Variants in ABCA1 observed in about 807,000 individuals in gnomAD.
ABCA1 encodes phospholipid-transporting ATPase ABCA1.
Under a neutral mutation model 262.5 loss-of-function variants are expected in ABCA1, and 133 were observed. The observed-to-expected ratio is 0.51, with a 90% CI of 0.44 to 0.59. ABCA1 has a LOEUF of 0.59. ABCA1 is among the 20% of genes least tolerant of loss of function. The pLI, the probability that ABCA1 is intolerant of heterozygous loss-of-function variation, is 0.00. For missense variants in ABCA1, 2,452 were observed against 2,777.5 expected (o/e 0.88, Z 2.63); for synonymous variants, 1,022 against 1,043.5 (o/e 0.98, Z 0.40).
At chr9:104,843,357 G>T (rs78294949) in intron 8 of ABCA1, among the ~76,000 whole-genome samples, 3,092 of 152,284 alleles carry the variant, frequency 0.02, 100 homozygotes, top group African/African-American at 0.07. Flanking sequence ...GTGAAACTCA[G>T]GTCAGCTTTC....
chr9:104,910,768 G>A (rs1841448753), intron 1 of ABCA1, among the ~76,000 whole-genome samples: 1 of 152,050 alleles, frequency 6.6e-6, no homozygotes, highest in Admixed American at 6.5e-5. Context: ...GCAGTGGTGT[G>A]ATCTCAGCTC....
chr9:104,799,172 G>A (rs1332441338), intron 36 of ABCA1, among the ~76,000 whole-genome samples: 2 of 152,104 alleles, frequency 1.3e-5, no homozygotes, highest in Non-Finnish European at 2.9e-5. Context: ...TTAGTATCCT[G>A]TAGGAGTAAA....
At chr9:104,859,488 G>T (rs1836154773) in intron 6 of ABCA1, among the ~76,000 whole-genome samples, 1 of 150,452 alleles carries the variant, frequency 6.6e-6, no homozygotes, top group Admixed American at 6.6e-5. Context: ...AATGAACAAT[G>T]CAGACTCTTT....
chr9:104,819,930 A>T lies in ABCA1; in HGVS notation c.3100T>A (p.Ser1034Thr), dbSNP rs1341126671. The T allele has an allele frequency of 2.5e-6, 4 of 1,613,088 alleles. No homozygotes were observed. The highest frequency in any genetic ancestry group is 3.4e-6 in the Non-Finnish European group (4 of 1,179,976). Residue 1034 changes from serine to threonine, a missense_variant, in exon 21 of 50, where the codon TCA becomes ACA. Physicochemically the swap from Ser to Thr is moderately conservative, Grantham distance 58. Transcript: ENST00000374736. Reference sequence around the variant, plus strand: ...GGAAGGTAGCTCTGGGCCGCACCTGACAGCTGGCTTGTTTTGCTTTTCAGC... The same window carrying T: ...GGAAGGTAGCTCTGGGCCGCACCTGTCAGCTGGCTTGTTTTGCTTTTCAGC... ...SKLKSKTSQL[S>T]GGMQRKLSVA...
At chr9:104,788,610 G>T (rs752750465) in intron 44 of ABCA1, 43 bp from the exon 45 acceptor site, 11 of 1,609,860 alleles carry the variant, frequency 6.8e-6, no homozygotes, top group South Asian at 5.5e-5. Flanking sequence ...AGCAGGTAGA[G>T]ATACTCTGGT....
rs1194092391 is a variant in ABCA1 at position 104,792,915 on chromosome 9, A to T, written c.5637-9T>A. 6.2e-7 allele frequency: 1 copy of T among 1,613,658 alleles called. No individual in the cohort carries two copies. Among genetic ancestry groups the T allele is most frequent in the African/African-American group, 1.3e-5 (1 of 74,874 alleles). Reference sequence around the variant, plus strand: ...GCTTTGCATTTACAGGTCTTGGGGGAAAAAACAAGAAAAATGAACCTTTCA... The same window carrying T: ...GCTTTGCATTTACAGGTCTTGGGGGTAAAAACAAGAAAAATGAACCTTTCA... On this transcript the variant is annotated splice_polypyrimidine_tract_variant and intron_variant, in intron 41 of 49. Coordinates refer to ENST00000374736, the MANE Select transcript of ABCA1 (RefSeq NM_005502.4).
Position 104,790,902 on chromosome 9 carries a change from C to T in ABCA1, c.5927+20G>A. The T allele has an allele frequency of 6.6e-7, 1 of 1,515,084 alleles. No homozygotes were observed. Among genetic ancestry groups the T allele is most frequent in the African/African-American group, 1.4e-5 (1 of 72,932 alleles). 93.9% of individuals were successfully genotyped at this position (1,515,084 alleles called of 1,614,324 possible). On this transcript the variant is annotated intron_variant, in intron 44 of 49. Coordinates refer to ENST00000374736, the MANE Select transcript of ABCA1 (RefSeq NM_005502.4). The stretch of plus-strand genomic sequence containing the variant: ...AAAACAAAGTCTTTGCAGCAAAATA[C>T]AAGCCACTTCTTTTCTCACCTATTT...
chr9:104,861,696 C>T lies in ABCA1; in HGVS notation c.526G>A (p.Asp176Asn), dbSNP rs775698076. Residue 176 changes from aspartate (D) to asparagine (N), a missense_variant, in exon 6 of 50, where the codon GAT becomes AAT. By Grantham distance (23) the Asp-to-Asn change is conservative. Around this residue, in one of 4 missense-constraint regions of ABCA1, gnomAD observed 1,032 missense variants for 1,089.7 expected, o/e 0.95. Coordinates refer to ENST00000374736, the MANE Select transcript of ABCA1 (RefSeq NM_005502.4). ...KSTVDKMLRA[D>N]VILHKVFLQG... ...CAGCTTACCTTGTGGAGAATGACAT[C>T]AGCCCTCAGCATCTTGTCCACAGTA... 59 of 1,614,050 alleles carry T rather than the reference C, an allele frequency of 3.7e-5. No homozygotes were observed. The highest frequency in any genetic ancestry group is 3.1e-5 in the Non-Finnish European group (36 of 1,180,060).
In ABCA1 at chr9:104,782,250, A is replaced by T. The variant is rs1430036112; in HGVS notation, c.*2065T>A. On this transcript the variant is annotated 3_prime_UTR_variant, in exon 50 of 50. Transcript: ENST00000374736. ...ACGATGCCATATCACTAGTTATTGGAAATATGCCTTCATTACTTATATTTA... is the reference window on the plus strand; with the variant it reads ...ACGATGCCATATCACTAGTTATTGGTAATATGCCTTCATTACTTATATTTA... 2.0e-5 allele frequency: 3 copies of T among 152,152 alleles called. No individual in the cohort carries two copies. The highest frequency in any genetic ancestry group is 6.5e-5 in the Admixed American group (1 of 15,276). The allele number at this position is 152,152 out of a possible 1,614,324, so 9.4% of individuals were successfully genotyped here.
intron 16 of ABCA1, 75 bp downstream of exon 16, chr9:104,826,873 T>A: frequency 7.3e-7 from 1 of 1,366,792 alleles, no homozygotes; most frequent in Non-Finnish European, 1.0e-6. Context: ...TGTTCTCAAC[T>A]TGCTGCTTTT....
At chr9:104,796,862 AG>A (rs1285291534) in intron 37 of ABCA1, among the ~76,000 whole-genome samples, 15 of 152,242 alleles carry the variant, frequency 9.9e-5, no homozygotes, top group Admixed American at 9.8e-4. Flanking sequence ...CATGAATGTC[AG>A]AATTGTTTCA....
intron 6 of ABCA1, among the ~76,000 whole-genome samples, chr9:104,860,053 CAAA>C (rs200596186): frequency 2.1e-4 from 13 of 62,684 alleles, no homozygotes; most frequent in South Asian, 6.2e-4. Context: ...GACTCCAACT[CAAA>C]AAAAAAAAAA....
At position 104,832,730 on chromosome 9, in the gene ABCA1, C is replaced by T. The variant is rs753506300; in HGVS notation, c.1353G>A (p.Gln451=). The T allele has an allele frequency of 8.1e-5, 131 of 1,614,102 alleles. No homozygotes were observed. Among genetic ancestry groups the T allele is most frequent in the Non-Finnish European group, 1.0e-4 (122 of 1,180,054 alleles). Residue 451 remains glutamine, a synonymous_variant, in exon 12 of 50, where the codon CAG becomes CAA. Coordinates refer to ENST00000374736, the MANE Select transcript of ABCA1 (RefSeq NM_005502.4). ...CTGTCCAATCTAAGCCATCCAACTG[C>T]TGTTCCCAAAAGTGGTCATTGTCCC... is the stretch of plus-strand genomic sequence containing the variant. ...DSRDNDHFWE[Q]QLDGLDWTAQ... is the part of the protein sequence containing the mutation.
chr9:104,869,629 G>A (rs974741372), intron 5 of ABCA1, among the ~76,000 whole-genome samples: 4 of 152,132 alleles, frequency 2.6e-5, no homozygotes, highest in Admixed American at 6.5e-5. Flanking sequence ...GGGGTGAGGC[G>A]GGGTGATGCA....
chr9:104,851,563 T>C (rs1835377720), intron 7 of ABCA1, among the ~76,000 whole-genome samples: 1 of 152,244 alleles, frequency 6.6e-6, no homozygotes, highest in South Asian at 2.1e-4. Context: ...TTTACCTGGC[T>C]GACATCCATT....
At chr9:104,899,295 G>A (rs910138961) in intron 2 of ABCA1, among the ~76,000 whole-genome samples, 14 of 152,292 alleles carry the variant, frequency 9.2e-5, no homozygotes, top group African/African-American at 3.4e-4. Flanking sequence ...AGTGGGGAAA[G>A]GATGCAGAGA....
intron 36 of ABCA1, 105 bp from the exon 37 acceptor site, chr9:104,798,703 G>C (rs755995153): frequency 1.6e-5 from 15 of 950,214 alleles, no homozygotes; most frequent in Non-Finnish European, 2.3e-5. Flanking sequence ...CACACACACA[G>C]AGATATCTGA....
At chr9:104,824,668 T>C (rs898349783) in intron 17 of ABCA1, 90 bp from the exon 18 acceptor site, 1 of 1,439,564 alleles carries the variant, frequency 6.9e-7, no homozygotes, top group African/African-American at 1.4e-5. Context: ...CCTTGACACA[T>C]CCTTTGGAGA....
At position 104,814,520 on chromosome 9, in the gene ABCA1, G is replaced by A. The variant is rs761508735; in HGVS notation, c.3739-45C>T. 5.7e-6 allele frequency: 9 copies of A among 1,575,154 alleles called. 1 individual carries two copies. The South Asian group carries it at 6.6e-5, about 12-fold the overall frequency. ...AGAACATTATAAGCACCAACATTAC[G>A]AGAGTAGTCACCACTGCCACGATTA... On this transcript the variant is annotated intron_variant, in intron 25 of 49. Transcript: ENST00000374736.
Sources: gnomAD v4.1 joint callset for allele counts (sites outside exome capture counted in the v4.1 genomes callset) on GRCh38, gnomAD v4.1.1 for gene constraint, gnomAD v4.1.1 regional missense constraint, MANE v1.5 for transcripts, NCBI Gene and HGNC (gene_info 2026-07-23, HGNC 2026-07-21) for gene names.